FHDC1: variants seen among roughly 807,000 people sequenced by gnomAD.
FHDC1 encodes FH2 domain-containing protein 1.
FHDC1 carries 25 observed loss-of-function variants against 52.6 expected under a neutral mutation model. That is an observed-to-expected ratio of 0.48 (90% CI 0.35 to 0.66). The LOEUF (loss-of-function observed/expected upper bound fraction) is 0.66, where lower values mean the gene tolerates loss of function less well. FHDC1 is among the 30% of genes least tolerant of loss of function. The probability of loss-of-function intolerance (pLI) is 0.01; values close to 1 mark genes in which losing one functional copy is unlikely to be tolerated. For synonymous variants in FHDC1, 616 were observed against 581.5 expected (o/e 1.06, Z -0.85); for missense variants, 1,459 against 1,452.8 (o/e 1.00, Z -0.07).
the FHDC1 span, chr4:152,927,899 C>G: frequency 7.3e-7 from 1 of 1,376,692 alleles, no homozygotes; most frequent in East Asian, 2.3e-5. Flanking sequence ...CCAGGTGAAG[C>G]TGTTGGCAGG....
intron 9 of FHDC1, among the ~76,000 whole-genome samples, chr4:152,966,029 C>T (rs763163583): frequency 1.3e-5 from 2 of 152,142 alleles, no homozygotes; most frequent in Non-Finnish European, 2.9e-5. Flanking sequence ...TTACAGATCT[C>T]TAGATTGTTC....
intron 4 of FHDC1, among the ~76,000 whole-genome samples, chr4:152,958,438 CT>C (rs1740175874): frequency 6.6e-6 from 1 of 152,196 alleles, no homozygotes; most frequent in Admixed American, 6.5e-5. Flanking sequence ...GAACAAAGAA[CT>C]GTATACATGG....
chr4:152,958,417 A>G (rs1486342656), intron 4 of FHDC1, among the ~76,000 whole-genome samples: 1 of 152,172 alleles, frequency 6.6e-6, no homozygotes, highest in African/African-American at 2.4e-5. Context: ...CATAAATCTC[A>G]TCTTGAAATT....
At chr4:152,957,447 G>C (rs1425045094) in intron 4 of FHDC1, among the ~76,000 whole-genome samples, 2 of 152,178 alleles carry the variant, frequency 1.3e-5, no homozygotes, top group Non-Finnish European at 2.9e-5. Flanking sequence ...ACCTTGTCTG[G>C]TGTCACATGA....
At position 152,975,002 on chromosome 4, in the gene FHDC1, C is replaced by G. The variant is rs771094550; in HGVS notation, c.1711C>G (p.Leu571Val). Reference protein sequence around the residue: ...SPEEPNKFHSLPRSSPRQARP... With the variant: ...SPEEPNKFHSVPRSSPRQARP... ...TGAGGAGCCCAATAAGTTCCACAGC[C>G]TGCCCCGGAGCAGCCCCCGGCAGGC... The change falls in exon 12 of 12, where the codon CTG becomes GTG. Residue 571 changes from leucine (L) to valine (V), a missense_variant. Around this residue, in one of 3 missense-constraint regions of FHDC1, gnomAD observed 939 missense variants for 854.5 expected, o/e 1.10. Transcript: ENST00000511601. 3.2e-5 allele frequency: 51 copies of G among 1,612,508 alleles called. No individual in the cohort carries two copies. The highest frequency in any genetic ancestry group is 4.1e-5 in the Non-Finnish European group (48 of 1,179,852).
At chr4:152,929,038 G>A in the FHDC1 span, among the ~76,000 whole-genome samples, 1 of 152,038 alleles carries the variant, frequency 6.6e-6, no homozygotes, top group East Asian at 1.9e-4. This position sits in a 1 kb window ranked among gnomAD's most constrained non-coding sequence, Gnocchi z 4.1. Flanking sequence ...AGCCTCAGGA[G>A]GTCACAATGA....
rs201646467 is a variant in FHDC1, at chr4:152,975,020, C to T, written c.1729C>T (p.Arg577Trp). 518 of 1,612,614 alleles carry T rather than the reference C, an allele frequency of 3.2e-4. 2 individuals carry two copies. The African/African-American group carries it at 3.8e-3, about 12-fold the overall frequency. ...KFHSLPRSSP[R>W]QARPTIACLE... ...CCACAGCCTGCCCCGGAGCAGCCCC[C>T]GGCAGGCCCGGCCCACGATAGCCTG... The change falls in exon 12 of 12, where the codon CGG becomes TGG. Residue 577 changes from arginine to tryptophan, a missense_variant. Arg to Trp is a moderately radical substitution (Grantham distance 101, BLOSUM62 -3). This residue lies in a region of FHDC1 where 939 missense variants were observed against 854.5 expected (regional missense o/e 1.10). Coordinates refer to ENST00000511601, the MANE Select transcript of FHDC1 (RefSeq NM_001371116.1).
chr4:152,928,170 C>T, the FHDC1 span: 3 of 806,360 alleles, frequency 3.7e-6, no homozygotes, highest in Admixed American at 1.7e-5. Flanking sequence ...AAGATTGTCT[C>T]CTTTATCTTC....
chr4:152,927,214 C>T, the FHDC1 span, among the ~76,000 whole-genome samples: 186 of 152,356 alleles, frequency 1.2e-3, no homozygotes, highest in African/African-American at 4.2e-3. Context: ...ATCAGGGATT[C>T]TCTAAACGGG....
chr4:152,957,030 G>T (rs1167209695), intron 4 of FHDC1, among the ~76,000 whole-genome samples: 3 of 152,182 alleles, frequency 2.0e-5, no homozygotes, highest in Admixed American at 6.5e-5. Context: ...CCTGGCACCA[G>T]TCAGACCCAG....
the FHDC1 span, among the ~76,000 whole-genome samples, chr4:152,926,594 A>C: frequency 2.6e-5 from 4 of 151,852 alleles, no homozygotes; most frequent in Non-Finnish European, 5.9e-5. Flanking sequence ...AAAAAAAAAA[A>C]AAGGTGGCCT....
At chr4:152,969,309 T>A (rs906551876) in intron 10 of FHDC1, among the ~76,000 whole-genome samples, 6 of 152,222 alleles carry the variant, frequency 3.9e-5, no homozygotes, top group African/African-American at 1.4e-4. Context: ...GATGCTTGAT[T>A]TTGTTTGGCT....
intron 1 of FHDC1, among the ~76,000 whole-genome samples, chr4:152,938,869 G>A (rs28427148): frequency 1.7e-3 from 252 of 151,318 alleles, no homozygotes; most frequent in Non-Finnish European, 2.6e-3. Flanking sequence ...CACCAGGACC[G>A]CTGGTGCAGA....
At chr4:152,965,371 A>G (rs990543355) in intron 9 of FHDC1, among the ~76,000 whole-genome samples, 1 of 152,140 alleles carries the variant, frequency 6.6e-6, no homozygotes, top group African/African-American at 2.4e-5. Context: ...TGGTACATTT[A>G]TTTTCCTTTG....
chr4:152,954,667 A>G (rs1156283226), intron 4 of FHDC1, among the ~76,000 whole-genome samples: 1 of 150,660 alleles, frequency 6.6e-6, no homozygotes, highest in Non-Finnish European at 1.5e-5. Flanking sequence ...AGCCTGGGCA[A>G]CAGAGTGAGA....
rs200754454 is a variant in FHDC1, at chr4:152,976,393, C to T, written c.3102C>T (p.Ser1034=). 2.5e-6 allele frequency: 4 copies of T among 1,613,840 alleles called. No individual in the cohort carries two copies. The Admixed American group carries it at 5.0e-5, about 20-fold the overall frequency. ...CCCACGAACTACCCCGTGTCCCGAG[C>T]TTTGCCCGGAACACAGTGGCCTCCT... ...SVPHELPRVP[S]FARNTVASSS... The change falls in exon 12 of 12, where the codon AGC becomes AGT. Residue 1034 remains serine, a synonymous_variant. Transcript: ENST00000511601.
At chr4:152,913,899 T>C in the FHDC1 span, among the ~76,000 whole-genome samples, 5 of 152,324 alleles carry the variant, frequency 3.3e-5, no homozygotes, top group South Asian at 2.1e-4. Context: ...CAGGCTGGTC[T>C]CGAACTCCTG....
At chr4:152,919,248 A>G in the FHDC1 span, among the ~76,000 whole-genome samples, 1 of 152,260 alleles carries the variant, frequency 6.6e-6, no homozygotes, top group Non-Finnish European at 1.5e-5. Context: ...GTGAAGTTGA[A>G]TAAGACAGGC....
rs768522049 is a variant in FHDC1, at chr4:152,975,776, C to G, written c.2485C>G (p.Pro829Ala). 2.1e-5 allele frequency: 33 copies of G among 1,554,808 alleles called. No homozygotes were observed. The highest frequency in any genetic ancestry group is 2.4e-5 in the Non-Finnish European group (28 of 1,149,168). The change falls in exon 12 of 12, where the codon CCT becomes GCT. Residue 829 changes from proline (P) to alanine (A), a missense_variant. Around this residue, in one of 3 missense-constraint regions of FHDC1, gnomAD observed 939 missense variants for 854.5 expected, o/e 1.10. Coordinates refer to ENST00000511601, the MANE Select transcript of FHDC1 (RefSeq NM_001371116.1). ...CTCCTCCAACCCTACATCCAGCCCC[C>G]CTGGGGAGGCTCCTGCCCCCGTCTC... ...QVSSNPTSSPPGEAPAPVSVD... is the reference protein window; with the variant it reads ...QVSSNPTSSPAGEAPAPVSVD...
Sources: allele counts gnomAD v4.1 joint callset (sites outside exome capture counted in the v4.1 genomes callset), GRCh38; gene constraint gnomAD v4.1.1; regional missense constraint gnomAD v4.1.1; non-coding constraint Gnocchi (gnomAD v3.1); transcripts MANE v1.5; gene names NCBI Gene and HGNC (gene_info 2026-07-23, HGNC 2026-07-21).